Variants in COL23A1 observed in about 807,000 individuals in gnomAD.
COL23A1 encodes collagen type XXIII alpha 1 chain.
Under a neutral mutation model 99.3 loss-of-function variants are expected in COL23A1, and 97 were observed. The observed-to-expected ratio is 0.98, with a 90% confidence interval of 0.83 to 1.16. COL23A1 has a LOEUF of 1.16. Among genes scored for constraint, COL23A1 ranks in the 50% most tolerant of loss-of-function variants. COL23A1 has a pLI of 0.00. For missense variants in COL23A1, 762 were observed against 757.4 expected (o/e 1.01, Z -0.07); for synonymous variants, 320 against 308.2 (o/e 1.04, Z -0.40).
intron 2 of COL23A1, among the ~76,000 whole-genome samples, chr5:178,456,964 A>G (rs1395924985): frequency 6.6e-6 from 1 of 152,170 alleles, no homozygotes; most frequent in Non-Finnish European, 1.5e-5. Context: ...AGATAAAACA[A>G]CACACCCTGT....
chr5:178,587,243 A>G (rs756585572), intron 1 of COL23A1, among the ~76,000 whole-genome samples: 2 of 152,216 alleles, frequency 1.3e-5, no homozygotes, highest in Non-Finnish European at 2.9e-5. Flanking sequence ...ACGATCGTTC[A>G]TGGCTCTTAC....
intron 2 of COL23A1, among the ~76,000 whole-genome samples, chr5:178,404,052 C>T (rs1764617510): frequency 6.6e-6 from 1 of 152,180 alleles, no homozygotes; most frequent in South Asian, 2.1e-4. Context: ...GATGGGGTCT[C>T]CTGCACCCCA....
At chr5:178,585,745 A>AATAATG (rs1371181299) in intron 1 of COL23A1, among the ~76,000 whole-genome samples, 3 of 5,500 alleles carry the variant, frequency 5.5e-4, no homozygotes, top group Non-Finnish European at 1.3e-3. Flanking sequence ...GCCCTGGCTG[A>AATAATG]CCCTGTTGGT....
rs998299344 is a variant in COL23A1 at position 178,468,794 on chromosome 5, C to T, written c.361+91888G>A. Among the ~76,000 whole-genome samples the T allele has an allele frequency of 6.6e-6, 1 of 152,200 alleles. No homozygotes were observed. Among genetic ancestry groups the T allele is most frequent in the Non-Finnish European group, 1.5e-5 (1 of 68,034 alleles). ...CAATTTCCCATCTTCACCATTTTTA[C>T]GGGTACAGCTCAGTGCATCAGGTGC... On this transcript the variant is annotated intron_variant, in intron 2 of 28. Transcript: ENST00000390654. This position sits in a 1 kb window ranked among gnomAD's most constrained non-coding sequence, Gnocchi z 4.2.
At chr5:178,347,903 A>AG (rs1581196313) in intron 2 of COL23A1, among the ~76,000 whole-genome samples, 1 of 149,170 alleles carries the variant, frequency 6.7e-6, no homozygotes, top group Non-Finnish European at 1.5e-5. Context: ...AAAAACCCAA[A>AG]AAAACAAAAC....
At chr5:178,302,835 C>T (rs928416237) in intron 3 of COL23A1, among the ~76,000 whole-genome samples, 20 of 152,196 alleles carry the variant, frequency 1.3e-4, no homozygotes, top group Non-Finnish European at 1.2e-4. Context: ...GTGCATAGGT[C>T]ACTTAAAGAC....
intron 2 of COL23A1, among the ~76,000 whole-genome samples, chr5:178,472,321 C>T (rs1005730796): frequency 6.6e-6 from 1 of 152,166 alleles, no homozygotes; most frequent in Admixed American, 6.5e-5. Context: ...TCCCAATGTG[C>T]ACTTTTGTCC....
At chr5:178,329,502 A>G in intron 2 of COL23A1, among the ~76,000 whole-genome samples, 1 of 151,570 alleles carries the variant, frequency 6.6e-6, no homozygotes, top group South Asian at 2.1e-4. Context: ...AGGAATGGCC[A>G]CTGTTTTCTC....
At chr5:178,300,843 C>T (rs906211519) in intron 3 of COL23A1, among the ~76,000 whole-genome samples, 2 of 152,090 alleles carry the variant, frequency 1.3e-5, no homozygotes, top group African/African-American at 2.4e-5. Flanking sequence ...GGATTACAGG[C>T]GTGAGCCACC....
At chr5:178,563,667 G>A (rs1343514557) in intron 1 of COL23A1, among the ~76,000 whole-genome samples, 1 of 151,124 alleles carries the variant, frequency 6.6e-6, no homozygotes, top group Non-Finnish European at 1.5e-5. Context: ...GAGTAGCTGA[G>A]TATACACGAA....
At chr5:178,571,736 T>G (rs1263337206) in intron 1 of COL23A1, among the ~76,000 whole-genome samples, 5 of 152,194 alleles carry the variant, frequency 3.3e-5, no homozygotes, top group African/African-American at 1.2e-4. Flanking sequence ...CCGTACTGCC[T>G]ATGTGCAGAA....
intron 2 of COL23A1, among the ~76,000 whole-genome samples, chr5:178,539,746 T>C (rs911819295): frequency 2.6e-5 from 4 of 152,078 alleles, no homozygotes; most frequent in Admixed American, 1.3e-4. Context: ...TTCCAGAGAA[T>C]AGAAATGGGG....
At chr5:178,481,642 A>T (rs1238333045) in intron 2 of COL23A1, among the ~76,000 whole-genome samples, 4 of 152,188 alleles carry the variant, frequency 2.6e-5, no homozygotes, top group African/African-American at 7.2e-5. Context: ...ATTATTAGCC[A>T]TTAGGGAAAC....
chr5:178,342,329 T>C (rs1188150598), intron 2 of COL23A1, among the ~76,000 whole-genome samples: 1 of 152,214 alleles, frequency 6.6e-6, no homozygotes, highest in Non-Finnish European at 1.5e-5. Context: ...TTTCCTGGCA[T>C]CCTTTTTCTC....
chr5:178,260,476 G>A (rs1212191216), intron 11 of COL23A1, among the ~76,000 whole-genome samples: 1 of 152,170 alleles, frequency 6.6e-6, no homozygotes, highest in Non-Finnish European at 1.5e-5. Flanking sequence ...CTCTGGGAAA[G>A]GCAAAACTAT....
At chr5:178,531,083 T>A (rs1304038002) in intron 2 of COL23A1, among the ~76,000 whole-genome samples, 2 of 152,152 alleles carry the variant, frequency 1.3e-5, no homozygotes, top group East Asian at 3.8e-4. Context: ...GTCAGGCTGG[T>A]CTCAAATTCC....
At chr5:178,368,202 T>C (rs1762596601) in intron 2 of COL23A1, among the ~76,000 whole-genome samples, 1 of 152,140 alleles carries the variant, frequency 6.6e-6, no homozygotes, top group Non-Finnish European at 1.5e-5. Flanking sequence ...GGGAAATAAA[T>C]TCCTCATGGC....
chr5:178,327,867 T>A, intron 2 of COL23A1, among the ~76,000 whole-genome samples: 1 of 152,072 alleles, frequency 6.6e-6, no homozygotes, highest in Middle Eastern at 3.2e-3. Flanking sequence ...ACCCGAACAG[T>A]CCTGGCAGAC....
At chr5:178,454,904 G>A (rs765673958) in intron 2 of COL23A1, among the ~76,000 whole-genome samples, 1 of 152,226 alleles carries the variant, frequency 6.6e-6, no homozygotes, top group Non-Finnish European at 1.5e-5. Context: ...TCAAGGTGTC[G>A]GCTGGGCCTG....
Sources: gnomAD v4.1 joint callset for allele counts (sites outside exome capture counted in the v4.1 genomes callset) on GRCh38, gnomAD v4.1.1 for gene constraint, Gnocchi (gnomAD v3.1) non-coding constraint, MANE v1.5 for transcripts, NCBI Gene and HGNC (gene_info 2026-07-23, HGNC 2026-07-21) for gene names.